CCDC51: variants seen among roughly 807,000 people sequenced by gnomAD.
CCDC51 encodes coiled-coil domain containing 51, also known as mitochondrial potassium channel.
A neutral mutation model predicts 24.8 loss-of-function variants in CCDC51; 25 were observed. That is an observed-to-expected ratio of 1.01 (90% CI 0.73 to 1.41). The LOEUF (loss-of-function observed/expected upper bound fraction) is 1.41, where lower values mean the gene tolerates loss of function less well. CCDC51 is among the 40% of genes most tolerant of loss of function. The pLI is 0.00. For synonymous variants in CCDC51, 190 were observed against 204.3 expected, an observed-to-expected ratio of 0.93 and a Z score of 0.60; for missense variants, 466 against 519.1, an observed-to-expected ratio of 0.90 and a Z score of 0.99.
chr3:48,439,673 C>T lies in CCDC51; in HGVS notation c.-9+315G>A, dbSNP rs574795004. On this transcript the variant is annotated intron_variant, in intron 1 of 3. Coordinates refer to ENST00000395694, the MANE Select transcript of CCDC51 (RefSeq NM_001256964.2). ...AAAAGCTTTATTGATATATAACTTGCATACCATATAATTCACCCAATGTGT... is the reference window on the plus strand; with the variant it reads ...AAAAGCTTTATTGATATATAACTTGTATACCATATAATTCACCCAATGTGT... Among the ~76,000 whole-genome samples the T allele has an allele frequency of 3.3e-5, 5 of 152,284 alleles. No homozygotes were observed. The South Asian group carries it at 8.3e-4, about 25-fold the overall frequency.
At chr3:48,443,669 CTCA>C (rs1311386191), upstream of CCDC51, among the ~76,000 whole-genome samples, 4 of 151,970 alleles carry the variant, frequency 2.6e-5, no homozygotes, top group Admixed American at 2.6e-4. Context: ...TGTACTCCAT[CTCA>C]TCCTCATTTT....
In CCDC51 at chr3:48,434,908, C is replaced by T. The variant is rs371682973; in HGVS notation, c.221G>A (p.Arg74Gln). The change falls in exon 2 of 4, where the codon CGA (arginine) becomes CAA (glutamine). Residue 74 changes from arginine (R) to glutamine (Q), a missense_variant. Arg to Gln is a conservative substitution (Grantham distance 43). Transcript: ENST00000395694. Reference protein sequence around the residue: ...GRALGHSIQQRATSTAKTWWD... With the variant: ...GRALGHSIQQQATSTAKTWWD... ...CCAAGTCTTGGCTGTGGAGGTCGCTCGTTGCTGAATGCTGTGCCCCAGGGC... is the reference window on the plus strand; with the variant it reads ...CCAAGTCTTGGCTGTGGAGGTCGCTTGTTGCTGAATGCTGTGCCCCAGGGC... 169 of 1,614,150 alleles carry T rather than the reference C, an allele frequency of 1.0e-4. No homozygotes were observed. The highest frequency in any genetic ancestry group is 1.4e-4 in the Non-Finnish European group (162 of 1,180,058).
intron 1 of CCDC51, among the ~76,000 whole-genome samples, chr3:48,436,873 G>T (rs187821657): frequency 1.3e-5 from 2 of 152,068 alleles, no homozygotes; most frequent in Non-Finnish European, 2.9e-5. Context: ...CTCCCCTGCC[G>T]TCCCCCACCC....
At chr3:48,440,512 T>C (rs773482852), upstream of CCDC51, 2 of 1,606,616 alleles carry the variant, frequency 1.2e-6, no homozygotes, top group Admixed American at 1.7e-5. Flanking sequence ...GAGACAGGCC[T>C]GAGTTGAACA....
At chr3:48,440,846 C>G (rs1004899063), upstream of CCDC51, 15 of 596,244 alleles carry the variant, frequency 2.5e-5, no homozygotes, top group South Asian at 2.7e-4. Context: ...GTCTGGGCTT[C>G]CATTCCTTAG....
intron 1 of CCDC51, among the ~76,000 whole-genome samples, chr3:48,438,554 T>C (rs2039439045): frequency 6.6e-6 from 1 of 152,154 alleles, no homozygotes; most frequent in Admixed American, 6.5e-5. Flanking sequence ...CCCTGATTCC[T>C]CATTTCTCTC....
At chr3:48,439,418 G>A (rs1317879592) in intron 1 of CCDC51, among the ~76,000 whole-genome samples, 1 of 152,222 alleles carries the variant, frequency 6.6e-6, no homozygotes, top group African/African-American at 2.4e-5. Flanking sequence ...GGGATCACGA[G>A]GTCAGGAGTT....
chr3:48,439,681 A>G (rs1392117124), intron 1 of CCDC51, among the ~76,000 whole-genome samples: 1 of 152,218 alleles, frequency 6.6e-6, no homozygotes, highest in African/African-American at 2.4e-5. Context: ...TGCATACCAT[A>G]TAATTCACCC....
rs1191211560 is a variant in CCDC51 at position 48,435,285 on chromosome 3, C to G, written c.-8-149G>C. 1.5e-6 allele frequency: 1 copy of G among 664,598 alleles called. No homozygotes were observed. The highest frequency in any genetic ancestry group is 2.4e-6 in the Non-Finnish European group (1 of 409,818). The allele number at this position is 664,598 out of a possible 1,614,324, so 41.2% of individuals were successfully genotyped here. ...ACCCTGTTGGGCCCAGAGACTGTGG[C>G]CCCTGTGGCAAGAGGATGGTCAGGC... On this transcript the variant is annotated intron_variant, in intron 1 of 3. Transcript: ENST00000395694. This position sits in a 1 kb window ranked among gnomAD's most constrained non-coding sequence, Gnocchi z 4.2.
chr3:48,440,373 G>A, upstream of CCDC51: 1 of 1,611,748 alleles, frequency 6.2e-7, no homozygotes, highest in South Asian at 1.1e-5. Context: ...GGCGGCAGGG[G>A]CAGGCCGAAC....
rs1206388096 is a variant in CCDC51, at chr3:48,434,897, TGGA to T, written c.229_231del (p.Ser77del). ...TATCTGTCCCACCAAGTCTTGGCTG[TGGA>T]GGTCGCTCGTTGCTGAATGCTGTGC... On this transcript the variant is annotated inframe_deletion, in exon 2 of 4. Coordinates refer to ENST00000395694, the MANE Select transcript of CCDC51 (RefSeq NM_001256964.2). 16 of 1,614,140 alleles carry T rather than the reference TGGA, an allele frequency of 9.9e-6. No homozygotes were observed. Among genetic ancestry groups the T allele is most frequent in the Non-Finnish European group, 1.4e-5 (16 of 1,180,058 alleles).
intron 1 of CCDC51, among the ~76,000 whole-genome samples, chr3:48,438,466 T>C (rs1263965366): frequency 6.6e-6 from 1 of 152,076 alleles, no homozygotes; most frequent in East Asian, 1.9e-4. Context: ...CTCCCAAACC[T>C]TTTTTTCCCA....
upstream of CCDC51, chr3:48,441,005 A>T (rs1159376908): frequency 1.5e-5 from 4 of 271,768 alleles, no homozygotes. Flanking sequence ...CTTGACTTAG[A>T]AGTTTTTTTG....
Position 48,433,238 on chromosome 3 carries a change from T to C in CCDC51, c.478-72A>G. The C allele has an allele frequency of 7.0e-7, 1 of 1,432,562 alleles. No homozygotes were observed. Among genetic ancestry groups the C allele is most frequent in the Non-Finnish European group, 9.6e-7 (1 of 1,040,564 alleles). 88.7% of individuals were successfully genotyped at this position (1,432,562 alleles called of 1,614,324 possible). On this transcript the variant is annotated intron_variant, in intron 3 of 3. Transcript: ENST00000395694. This position sits in a 1 kb window ranked among gnomAD's most constrained non-coding sequence, Gnocchi z 4.4. ...CCCTGCAGCTATAGCCACCAGCAGA[T>C]GGCTCACTACCTTGTGCCTGGCAGA...
intron 1 of CCDC51, among the ~76,000 whole-genome samples, chr3:48,439,709 A>T (rs541431985): frequency 6.6e-6 from 1 of 152,364 alleles, no homozygotes; most frequent in East Asian, 1.9e-4. Context: ...ACAATTCAGT[A>T]GTTTTACTAT....
chr3:48,433,921 C>A lies in CCDC51; in HGVS notation c.313-50G>T. The A allele has an allele frequency of 1.3e-6, 2 of 1,584,782 alleles. No individual in the cohort carries two copies. The highest frequency in any genetic ancestry group is 1.7e-6 in the Non-Finnish European group (2 of 1,164,230). On this transcript the variant is annotated intron_variant, in intron 2 of 3. Coordinates refer to ENST00000395694, the MANE Select transcript of CCDC51 (RefSeq NM_001256964.2). This position sits in a 1 kb window ranked among gnomAD's most constrained non-coding sequence, Gnocchi z 4.4. ...TCTGCACCTTCTCTCCACACCCACACAGGCTCAGCTGCATTCCCAGCAAGG... is the reference window on the plus strand; with the variant it reads ...TCTGCACCTTCTCTCCACACCCACAAAGGCTCAGCTGCATTCCCAGCAAGG...
At chr3:48,442,181 G>C (rs1480733435), upstream of CCDC51, among the ~76,000 whole-genome samples, 2 of 151,660 alleles carry the variant, frequency 1.3e-5, no homozygotes, top group South Asian at 2.1e-4. Context: ...AGGATTATTT[G>C]AGCACGGGAG....
chr3:48,440,096 C>T lies in CCDC51; in HGVS notation c.-117G>A, dbSNP rs553172105. 1.5e-4 allele frequency: 127 copies of T among 833,072 alleles called. 1 individual carries two copies. The African/African-American group carries it at 1.5e-3, about 10-fold the overall frequency. The allele number at this position is 833,072 out of a possible 1,614,324, so 51.6% of individuals were successfully genotyped here. On this transcript the variant is annotated 5_prime_UTR_variant, in exon 1 of 4. Coordinates refer to ENST00000395694, the MANE Select transcript of CCDC51 (RefSeq NM_001256964.2). ...GCAGGACAACCCTAGCTCCTCGTAC[C>T]TGGCGTGGCCCGACCAATCGTCTGC...
In CCDC51 at chr3:48,435,139, G is replaced by A. The variant is rs2039312896; in HGVS notation, c.-8-3C>T. ...GCTGCGCCCCATCATCCTGAGATCTGTGAGGGGGACGCCAGACAGGTCAGC... is the reference window on the plus strand; with the variant it reads ...GCTGCGCCCCATCATCCTGAGATCTATGAGGGGGACGCCAGACAGGTCAGC... On this transcript the variant is annotated splice_polypyrimidine_tract_variant and splice_region_variant and intron_variant, in intron 1 of 3. Transcript: ENST00000395694. This position sits in a 1 kb window ranked among gnomAD's most constrained non-coding sequence, Gnocchi z 4.2. 6.4e-7 allele frequency: 1 copy of A among 1,559,024 alleles called. No homozygotes were observed. Among genetic ancestry groups the A allele is most frequent in the Non-Finnish European group, 8.7e-7 (1 of 1,153,986 alleles).
Sources: allele counts gnomAD v4.1 joint callset (sites outside exome capture counted in the v4.1 genomes callset), GRCh38; gene constraint gnomAD v4.1.1; non-coding constraint Gnocchi (gnomAD v3.1); transcripts MANE v1.5; gene names NCBI Gene and HGNC (gene_info 2026-07-23, HGNC 2026-07-21).